The following PLPP1 variants were observed in gnomAD, a reference collection of about 807,000 sequenced individuals.
The protein encoded by PLPP1 is phospholipid phosphatase 1, also known as lipid phosphate phosphohydrolase 1a.
PLPP1 carries 24 observed loss-of-function variants against 31.2 expected under a neutral mutation model. That is an observed-to-expected ratio of 0.77 (90% CI 0.56 to 1.08). PLPP1 has a LOEUF of 1.08. PLPP1 is among the 50% of genes least tolerant of loss of function. The probability of loss-of-function intolerance (pLI) is 0.00; values close to 1 mark genes in which losing one functional copy is unlikely to be tolerated. For synonymous variants in PLPP1, 146 were observed against 126.3 expected (o/e 1.16, Z -1.05); for missense variants, 319 against 342.7 (o/e 0.93, Z 0.55).
chr5:55,515,684 T>C (rs1753541554), intron 1 of PLPP1, among the ~76,000 whole-genome samples: 1 of 151,956 alleles, frequency 6.6e-6, no homozygotes, highest in African/African-American at 2.4e-5. Flanking sequence ...CTCTCTCCAC[T>C]TGGCTTCCCA....
At chr5:55,471,684 G>C (rs1651596456) in intron 2 of PLPP1, among the ~76,000 whole-genome samples, 1 of 152,088 alleles carries the variant, frequency 6.6e-6, no homozygotes, top group Non-Finnish European at 1.5e-5. Flanking sequence ...CTCATGTCAA[G>C]GCCCTGGTAT....
At chr5:55,502,448 C>G (rs1656271554) in intron 1 of PLPP1, among the ~76,000 whole-genome samples, 1 of 151,114 alleles carries the variant, frequency 6.6e-6, no homozygotes, top group Non-Finnish European at 1.5e-5. Flanking sequence ...GATCGTGCCA[C>G]TGCACTCCAG....
At chr5:55,466,148 A>G (rs534207478) in intron 3 of PLPP1, among the ~76,000 whole-genome samples, 1 of 152,282 alleles carries the variant, frequency 6.6e-6, no homozygotes, top group East Asian at 1.9e-4. Flanking sequence ...TCCTTCATTA[A>G]GACTTTACAC....
chr5:55,502,176 A>G (rs745395456), intron 1 of PLPP1, among the ~76,000 whole-genome samples: 19 of 152,196 alleles, frequency 1.2e-4, no homozygotes, highest in Admixed American at 1.0e-3. Flanking sequence ...GTGCTAGCCA[A>G]TAAAATTTTC....
intron 3 of PLPP1, among the ~76,000 whole-genome samples, chr5:55,465,732 G>C (rs1273357120): frequency 6.6e-6 from 1 of 152,050 alleles, no homozygotes; most frequent in Non-Finnish European, 1.5e-5. Context: ...TTAAATTTCA[G>C]TCTCATTTTC....
intron 4 of PLPP1, among the ~76,000 whole-genome samples, chr5:55,434,073 G>A (rs1751434506): frequency 6.7e-6 from 1 of 149,694 alleles, no homozygotes; most frequent in Admixed American, 6.7e-5. Flanking sequence ...AGGTTGCAGT[G>A]AGCCGAGATC....
intron 3 of PLPP1, among the ~76,000 whole-genome samples, chr5:55,462,965 T>TC (rs1245121646): frequency 6.8e-6 from 1 of 147,586 alleles, no homozygotes; most frequent in Non-Finnish European, 1.5e-5. Flanking sequence ...ACAGCGAGAC[T>TC]CCATCTCAAA....
At position 55,428,099 on chromosome 5, in the gene PLPP1, TC is replaced by T. The variant is rs374593582; in HGVS notation, c.550-2061del. On this transcript the variant is annotated intron_variant, in intron 4 of 5. Transcript: ENST00000307259. ...ACCACACCCAGCTCGCTCCAACACT[TC>T]TAAGTGAAGTCTTTCCCCCTATAAA... Among the ~76,000 whole-genome samples the T allele has an allele frequency of 5.3e-3, 801 of 152,344 alleles. 8 individuals carry two copies. The highest frequency in any genetic ancestry group is 0.018 in the African/African-American group (745 of 41,574).
chr5:55,479,169 T>G (rs1277441527), intron 1 of PLPP1, among the ~76,000 whole-genome samples: 1 of 151,902 alleles, frequency 6.6e-6, no homozygotes, highest in Non-Finnish European at 1.5e-5. Flanking sequence ...AGATTACAGG[T>G]GTGCACTACC....
At chr5:55,435,740 A>G (rs1374219876) in intron 4 of PLPP1, among the ~76,000 whole-genome samples, 1 of 151,524 alleles carries the variant, frequency 6.6e-6, no homozygotes, top group Non-Finnish European at 1.5e-5. Context: ...TGACCTTCAC[A>G]CTCCTCCCTC....
chr5:55,511,764 C>T (rs886464290), intron 1 of PLPP1, among the ~76,000 whole-genome samples: 6 of 146,276 alleles, frequency 4.1e-5, no homozygotes, highest in African/African-American at 1.3e-4. Flanking sequence ...CCAGGGTTGA[C>T]GCCATTCTCC....
At chr5:55,530,366 AGAGTGATC>A in intron 1 of PLPP1, 1 of 1,329,570 alleles carries the variant, frequency 7.5e-7, no homozygotes, top group Non-Finnish European at 1.1e-6. Context: ...GATTACTGTT[AGAGTGATC>A]CAGTAAACGC....
chr5:55,508,953 A>G, intron 1 of PLPP1: 1 of 154,270 alleles, frequency 6.5e-6, no homozygotes, highest in Middle Eastern at 5.4e-4. Context: ...AGAGCTTTTA[A>G]TAGAGTAGAA....
intron 1 of PLPP1, among the ~76,000 whole-genome samples, chr5:55,496,757 C>T (rs1395715201): frequency 6.6e-6 from 1 of 152,170 alleles, no homozygotes; most frequent in East Asian, 1.9e-4. Flanking sequence ...TTGAGGAAAA[C>T]AGACACATGA....
chr5:55,448,588 C>T (rs1205018061), intron 3 of PLPP1, among the ~76,000 whole-genome samples: 3 of 151,590 alleles, frequency 2.0e-5, no homozygotes, highest in Admixed American at 6.6e-5. Context: ...GCTAGGATTA[C>T]AGGCGTGCGC....
At chr5:55,520,563 C>T (rs1213135193) in intron 1 of PLPP1, among the ~76,000 whole-genome samples, 1 of 152,180 alleles carries the variant, frequency 6.6e-6, no homozygotes, top group Non-Finnish European at 1.5e-5. Flanking sequence ...ATGAGAAAGG[C>T]ACTATTAGCA....
intron 4 of PLPP1, among the ~76,000 whole-genome samples, chr5:55,429,222 C>G (rs1315527060): frequency 6.6e-6 from 1 of 151,888 alleles, no homozygotes; most frequent in Admixed American, 6.6e-5. Flanking sequence ...GACAGCAAGC[C>G]ATTTAGTAGA....
At chr5:55,468,274 G>T in intron 2 of PLPP1, 125 bp from the exon 3 acceptor site, 1 of 876,180 alleles carries the variant, frequency 1.1e-6, no homozygotes, top group Non-Finnish European at 1.7e-6. Flanking sequence ...AACAGTCCCA[G>T]CCCCTTTTTT....
At chr5:55,448,651 C>T (rs1006107002) in intron 3 of PLPP1, among the ~76,000 whole-genome samples, 2 of 151,898 alleles carry the variant, frequency 1.3e-5, no homozygotes, top group Admixed American at 1.3e-4. Context: ...TTTCACCATG[C>T]TGGCCAGGCT....
Sources: allele counts gnomAD v4.1 joint callset (sites outside exome capture counted in the v4.1 genomes callset), GRCh38; gene constraint gnomAD v4.1.1; transcripts MANE v1.5; gene names NCBI Gene and HGNC (gene_info 2026-07-23, HGNC 2026-07-21).